SELP: variants seen among roughly 807,000 people sequenced by gnomAD.
The protein encoded by SELP is selectin P, also known as P-selectin.
A neutral mutation model predicts 104.1 loss-of-function variants in SELP; 92 were observed. The ratio of observed to expected loss-of-function variants is 0.88; its 90% CI spans 0.75 to 1.05. The LOEUF (loss-of-function observed/expected upper bound fraction) is 1.05, where lower values mean the gene tolerates loss of function less well. SELP is among the 50% of genes least tolerant of loss of function. SELP has a pLI of 0.00. For missense variants in SELP, 1,022 were observed against 1,017.3 expected, an observed-to-expected ratio of 1.00 and a Z score of -0.06; for synonymous variants, 397 against 364.5, an observed-to-expected ratio of 1.09 and a Z score of -1.01.
chr1:169,606,930 A>G lies in SELP; in HGVS notation c.1519+19T>C. 1 of 1,603,444 alleles carries G rather than the reference A, an allele frequency of 6.2e-7. No individual in the cohort carries two copies. Among genetic ancestry groups the G allele is most frequent in the African/African-American group, 1.3e-5 (1 of 74,500 alleles). ...GCCTACAATTTATTTCCATGATGTT[A>G]GAAAGAATACACTCTTACCTTGGCA... On this transcript the variant is annotated intron_variant, in intron 9 of 16. Transcript: ENST00000263686.
Position 169,595,941 on chromosome 1 carries a change from T to C in SELP, c.2085A>G (p.Val695=), listed in dbSNP as rs774720764. 6.2e-7 allele frequency: 1 copy of C among 1,613,666 alleles called. No individual in the cohort carries two copies. Residue 695 remains valine, a synonymous_variant, in exon 12 of 17, where the codon GTA becomes GTG. Coordinates refer to ENST00000263686, the MANE Select transcript of SELP (RefSeq NM_003005.4). ...TCACCTTACCTCTGCATGCTGGAGT[T>C]ACTGCTGTCCATTGTCCTGAAGGTC... is the stretch of plus-strand genomic sequence containing the variant. ...SCRPSGQWTA[V]TPACRAVKCS...
rs3917742 is a variant in SELP at position 169,609,683 on chromosome 1, G to A, written c.1154C>T (p.Ser385Leu). The change falls in exon 8 of 17, where the codon TCG (serine) becomes TTG (leucine). Residue 385 changes from serine (S) to leucine (L), a missense_variant. By Grantham distance (145) the Ser-to-Leu change is moderately radical. Transcript: ENST00000263686. ...GACAGGACTCTCCAGCGGCTCACACGAAATAGCTAAGTGGAAAAGGTATCT... is the reference window on the plus strand; with the variant it reads ...GACAGGACTCTCCAGCGGCTCACACAAAATAGCTAAGTGGAAAAGGTATCT... ...SAPLPTCEAI[S>L]CEPLESPVHG... is the part of the protein sequence containing the mutation. The A allele has an allele frequency of 3.3e-4, 526 of 1,608,950 alleles. No individual in the cohort carries two copies. The highest frequency in any genetic ancestry group is 9.2e-4 in the Admixed American group (54 of 58,998).
intron 3 of SELP, 95 bp from the exon 4 acceptor site, chr1:169,613,788 T>C (rs896880496): frequency 7.1e-6 from 7 of 987,892 alleles, no homozygotes; most frequent in African/African-American, 6.4e-5. Flanking sequence ...CCCTCTCAGA[T>C]AGGACTGAGC....
intron 8 of SELP, among the ~76,000 whole-genome samples, 158 bp downstream of exon 8, chr1:169,609,346 C>G (rs938541428): frequency 6.6e-6 from 1 of 152,178 alleles, no homozygotes; most frequent in African/African-American, 2.4e-5. Context: ...GCTTCACGCA[C>G]CGTTTCATCT....
At chr1:169,624,753 C>A (rs1046774459) in intron 1 of SELP, among the ~76,000 whole-genome samples, 2 of 151,968 alleles carry the variant, frequency 1.3e-5, no homozygotes, top group Non-Finnish European at 2.9e-5. Context: ...ACAAAACAAA[C>A]AAACAAGCAA....
At position 169,606,941 on chromosome 1, in the gene SELP, A is replaced by T. The variant is rs753884102; in HGVS notation, c.1519+8T>A. ...ATTTCCATGATGTTAGAAAGAATAC[A>T]CTCTTACCTTGGCATTCTGGAGGAA... is the stretch of plus-strand genomic sequence containing the variant. On this transcript the variant is annotated splice_region_variant and intron_variant, in intron 9 of 16. Coordinates refer to ENST00000263686, the MANE Select transcript of SELP (RefSeq NM_003005.4). 2.0e-5 allele frequency: 33 copies of T among 1,610,186 alleles called. No individual in the cohort carries two copies. Among genetic ancestry groups the T allele is most frequent in the Non-Finnish European group, 2.4e-5 (28 of 1,178,130 alleles).
intron 13 of SELP, 146 bp from the exon 14 acceptor site, chr1:169,593,870 A>G: frequency 2.8e-6 from 2 of 704,960 alleles, no homozygotes; most frequent in South Asian, 2.4e-5. Flanking sequence ...ACAAGCTAAC[A>G]TGAAAGAAGA....
At chr1:169,594,615 G>A in intron 13 of SELP, 77 bp downstream of exon 13, 1 of 1,438,256 alleles carries the variant, frequency 7.0e-7, no homozygotes, top group Non-Finnish European at 9.6e-7. Flanking sequence ...ACCACTATGA[G>A]AAAGACACAG....
intron 1 of SELP, among the ~76,000 whole-genome samples, chr1:169,628,280 T>C (rs986566197): frequency 7.9e-5 from 12 of 152,346 alleles, no homozygotes; most frequent in African/African-American, 2.9e-4. Flanking sequence ...ATCTATCTGA[T>C]TGAAAATACC....
chr1:169,591,639 A>T (rs1003364024), intron 14 of SELP, 183 bp from the exon 15 acceptor site: 1 of 438,398 alleles, frequency 2.3e-6, no homozygotes, highest in Non-Finnish European at 4.1e-6. Flanking sequence ...GGCTAAATTA[A>T]ACATTCGACA....
At chr1:169,614,914 C>T (rs1316713008) in intron 3 of SELP, among the ~76,000 whole-genome samples, 1 of 152,132 alleles carries the variant, frequency 6.6e-6, no homozygotes, top group Non-Finnish European at 1.5e-5. Context: ...TGTCTTAATA[C>T]CTTACAGTAG....
chr1:169,610,779 AAAACAAAC>A (rs76632064), intron 7 of SELP, among the ~76,000 whole-genome samples: 2,428 of 151,100 alleles, frequency 0.016, 58 homozygotes, highest in African/African-American at 0.047. Flanking sequence ...ACTCTGTCTC[AAAACAAAC>A]AAACAAACAA....
intron 1 of SELP, among the ~76,000 whole-genome samples, chr1:169,629,019 A>C (rs1663511115): frequency 6.6e-6 from 1 of 152,242 alleles, no homozygotes; most frequent in African/African-American, 2.4e-5. Context: ...GGAGTCCCAC[A>C]GAAAGGTGCT....
chr1:169,609,140 A>C (rs1472547111), intron 8 of SELP, among the ~76,000 whole-genome samples: 3 of 152,146 alleles, frequency 2.0e-5, no homozygotes, highest in Admixed American at 2.0e-4. Flanking sequence ...CAGAGAGTCT[A>C]AACCACTAGC....
chr1:169,611,347 G>A, intron 7 of SELP, 145 bp downstream of exon 7: 1 of 762,436 alleles, frequency 1.3e-6, no homozygotes, highest in Non-Finnish European at 2.1e-6. Context: ...TCACAGATGA[G>A]AAAACCATGG....
chr1:169,611,579 A>T lies in SELP; in HGVS notation c.1060T>A (p.Cys354Ser). ...CCCCTCACTCTGTAGCCGGGCTGGC[A>T]CTCAAATTTACAGCTGGAGCCATAG... is the stretch of plus-strand genomic sequence containing the variant. The part of the protein sequence containing the change: ...FAYGSSCKFE[C>S]QPGYRVRGLD... The change falls in exon 7 of 17, where the codon TGC becomes AGC. Residue 354 changes from cysteine to serine, a missense_variant. Physicochemically the swap from Cys to Ser is moderately radical, Grantham distance 112. Coordinates refer to ENST00000263686, the MANE Select transcript of SELP (RefSeq NM_003005.4). 1 of 1,614,084 alleles carries T rather than the reference A, an allele frequency of 6.2e-7. No individual in the cohort carries two copies. The highest frequency in any genetic ancestry group is 8.5e-7 in the Non-Finnish European group (1 of 1,180,014).
chr1:169,620,379 C>CT (rs10603647), intron 1 of SELP, among the ~76,000 whole-genome samples: 17,503 of 130,116 alleles, frequency 0.13, 1,424 homozygotes, highest in African/African-American at 0.22. Context: ...TTCCACTGTA[C>CT]TTTTTTTTTT....
At chr1:169,628,951 G>A (rs1276236399) in intron 1 of SELP, among the ~76,000 whole-genome samples, 1 of 152,176 alleles carries the variant, frequency 6.6e-6, no homozygotes, top group Non-Finnish European at 1.5e-5. Context: ...TACTTGAAAA[G>A]TGTGCTATAG....
chr1:169,593,762 G>A lies in SELP; in HGVS notation c.2288-38C>T, dbSNP rs751137696. The A allele has an allele frequency of 3.7e-6, 6 of 1,609,896 alleles. No individual in the cohort carries two copies. The South Asian group carries it at 5.5e-5, about 15-fold the overall frequency. On this transcript the variant is annotated intron_variant, in intron 13 of 16. Transcript: ENST00000263686. ...CACACACACATGCAAGACATAAGAA[G>A]TGTATTATGCAAAAGACTAGTCTTT...
Sources: gnomAD v4.1 joint callset for allele counts (sites outside exome capture counted in the v4.1 genomes callset) on GRCh38, gnomAD v4.1.1 for gene constraint, MANE v1.5 for transcripts, NCBI Gene and HGNC (gene_info 2026-07-23, HGNC 2026-07-21) for gene names.